Variants in STRIP2 observed in about 807,000 individuals in gnomAD.
The protein encoded by STRIP2 is striatin-interacting protein 2.
A neutral mutation model predicts 107.1 loss-of-function variants in STRIP2; 84 were observed. That is an observed-to-expected ratio of 0.78 (90% CI 0.66 to 0.94). STRIP2 has a LOEUF of 0.94. Among genes scored for constraint, STRIP2 ranks in the 40% least tolerant of loss-of-function variants. The pLI is 0.00. For synonymous variants in STRIP2, 394 were observed against 400.4 expected (o/e 0.98, Z 0.19); for missense variants, 888 against 1,034.2 (o/e 0.86, Z 1.94).
intron 8 of STRIP2, among the ~76,000 whole-genome samples, chr7:129,455,942 C>G (rs956745268): frequency 2.6e-5 from 4 of 152,148 alleles, no homozygotes; most frequent in African/African-American, 9.6e-5. Flanking sequence ...CCAGGATTTG[C>G]TTTTTAAAAA....
In STRIP2 at chr7:129,454,347, G is replaced by C; in HGVS notation, c.600-74G>C. The C allele has an allele frequency of 2.0e-6, 3 of 1,466,602 alleles. No individual in the cohort carries two copies. In the Admixed American group the frequency reaches 5.1e-5, roughly 25 times the overall value. 90.8% of individuals were successfully genotyped at this position (1,466,602 alleles called of 1,614,324 possible). A position where few individuals can be genotyped will look rare whatever the true frequency, so the allele number is the denominator to read the frequency against. ...CTCACTGGGTTGGGCTTCCCACAGA[G>C]ACCATCTCTGAGGTCTGTGACTATG... On this transcript the variant is annotated intron_variant, in intron 6 of 20. Transcript: ENST00000249344.
intron 16 of STRIP2, among the ~76,000 whole-genome samples, chr7:129,465,200 A>G (rs941633239): frequency 1.3e-5 from 2 of 152,174 alleles, no homozygotes; most frequent in African/African-American, 4.8e-5. Context: ...TAAGTAGCCA[A>G]TTATAGAGAG....
In STRIP2 at chr7:129,482,949, C is replaced by A. The variant is rs1372125541; in HGVS notation, c.2157C>A (p.Tyr719Ter). 1.9e-6 allele frequency: 3 copies of A among 1,614,048 alleles called. No individual in the cohort carries two copies. The highest frequency in any genetic ancestry group is 2.5e-6 in the Non-Finnish European group (3 of 1,180,014). The change falls in exon 20 of 21, where the codon TAC becomes TAA. Residue 719 changes from tyrosine to a stop codon, truncating the protein, a stop_gained. Transcript: ENST00000249344. LOFTEE classifies it high-confidence loss of function. ...AGCTACTAAAGTTACAGACCAAGTA[C>A]CTGGGGCGCCAATGGAGGAAAAGCA... ...VLKLLKLQTK[Y>*]LGRQWRKSNM... is the part of the protein sequence containing the mutation.
At chr7:129,453,423 C>G in intron 5 of STRIP2, 76 bp downstream of exon 5, 1 of 1,577,562 alleles carries the variant, frequency 6.3e-7, no homozygotes, top group Non-Finnish European at 8.6e-7. Context: ...ATGCTGCTTC[C>G]CTCACTATAG....
rs916351468 is a variant in STRIP2 at position 129,485,963 on chromosome 7, G to T, written c.*134G>T. On this transcript the variant is annotated 3_prime_UTR_variant, in exon 21 of 21. Transcript: ENST00000249344. ...GCTCTTGGGCCTAAAGATGGTGCAA[G>T]GGTGGGATCCTGAATCACAATAAAA... The T allele has an allele frequency of 7.0e-6, 7 of 1,003,208 alleles. No individual in the cohort carries two copies. In the African/African-American group the frequency reaches 9.6e-5, roughly 14 times the overall value. The allele number at this position is 1,003,208 out of a possible 1,614,324, so 62.1% of individuals were successfully genotyped here.
At position 129,460,382 on chromosome 7, in the gene STRIP2, G is replaced by A. The variant is rs1279441056; in HGVS notation, c.1476+10G>A. On this transcript the variant is annotated intron_variant, in intron 13 of 20. Transcript: ENST00000249344. ...GTGCCCTATGTCTTTGGTGAGCCAA[G>A]GAAGCCCTACACAGGAGGAGAGTAG... 4 of 1,612,486 alleles carry A rather than the reference G, an allele frequency of 2.5e-6. No individual in the cohort carries two copies. The highest frequency in any genetic ancestry group is 1.1e-5 in the South Asian group (1 of 90,776).
Position 129,458,700 on chromosome 7 carries a change from C to T in STRIP2, c.1275-12C>T, listed in dbSNP as rs762688761. The stretch of plus-strand genomic sequence containing the variant: ...CCCTTCTCTGGGATTGGTCTTTCCA[C>T]CATCCTCTCAGACAGAAGGACATTG... On this transcript the variant is annotated splice_polypyrimidine_tract_variant and intron_variant, in intron 10 of 20. Transcript: ENST00000249344. This position sits in a 1 kb window ranked among gnomAD's most constrained non-coding sequence, Gnocchi z 4.6. 1 of 1,614,072 alleles carries T rather than the reference C, an allele frequency of 6.2e-7. No homozygotes were observed. The highest frequency in any genetic ancestry group is 1.1e-5 in the South Asian group (1 of 91,074).
Position 129,482,929 on chromosome 7 carries a change from C to G in STRIP2, c.2137C>G (p.Leu713Val). ...GCTGCAACTTTATGTCCTAAAGCTA[C>G]TAAAGTTACAGACCAAGTACCTGGG... ...AMLQLYVLKL[L>V]KLQTKYLGRQ... Residue 713 changes from leucine to valine, a missense_variant, in exon 20 of 21, where the codon CTA (leucine) becomes GTA (valine). Leu to Val is a conservative substitution (Grantham distance 32). Transcript: ENST00000249344. 1 of 1,614,112 alleles carries G rather than the reference C, an allele frequency of 6.2e-7. No homozygotes were observed. The highest frequency in any genetic ancestry group is 8.5e-7 in the Non-Finnish European group (1 of 1,180,028).
intron 16 of STRIP2, 136 bp downstream of exon 16, chr7:129,464,874 G>A (rs1798633604): frequency 1.8e-6 from 2 of 1,142,284 alleles, no homozygotes; most frequent in Non-Finnish European, 2.5e-6. Flanking sequence ...AGGGAATCCA[G>A]CCACCCATTG....
In STRIP2 at chr7:129,483,280, G is replaced by C; in HGVS notation, c.2254+234G>C. ...CCGTTTTATAAAACAAGTAAATTGA[G>C]AGATAATTAATTGCCTTTCCAAAAC... is the stretch of plus-strand genomic sequence containing the variant. On this transcript the variant is annotated intron_variant, in intron 20 of 20. Transcript: ENST00000249344. The surrounding 1 kb of genome is among the most constrained non-coding windows in gnomAD (Gnocchi z 5.1). 1 of 1,239,450 alleles carries C rather than the reference G, an allele frequency of 8.1e-7. No homozygotes were observed. The highest frequency in any genetic ancestry group is 1.0e-6 in the Non-Finnish European group (1 of 989,596). 76.8% of individuals were successfully genotyped at this position (1,239,450 alleles called of 1,614,324 possible). A position where few individuals can be genotyped will look rare whatever the true frequency, so the allele number is the denominator to read the frequency against.
At position 129,458,012 on chromosome 7, in the gene STRIP2, C is replaced by T; in HGVS notation, c.1039-203C>T. The T allele has an allele frequency of 1.6e-6, 1 of 615,310 alleles. No individual in the cohort carries two copies. Among genetic ancestry groups the T allele is most frequent in the Non-Finnish European group, 3.0e-6 (1 of 337,926 alleles). The allele number at this position is 615,310 out of a possible 1,614,324, so 38.1% of individuals were successfully genotyped here. A position where few individuals can be genotyped will look rare whatever the true frequency, so the allele number is the denominator to read the frequency against. On this transcript the variant is annotated intron_variant, in intron 9 of 20. Coordinates refer to ENST00000249344, the MANE Select transcript of STRIP2 (RefSeq NM_020704.3). The surrounding 1 kb of genome is among the most constrained non-coding windows in gnomAD (Gnocchi z 4.6). ...CTATGCTATGTTCCCTGGCTAATGG[C>T]AGGGTTACCTGAGAACTTCTTGTCC...
At chr7:129,480,671 G>A in intron 18 of STRIP2, 114 bp from the exon 19 acceptor site, 1 of 765,482 alleles carries the variant, frequency 1.3e-6, no homozygotes, top group South Asian at 1.8e-5. Flanking sequence ...AGGTGAGGAG[G>A]TATTATTTCA....
chr7:129,458,552 G>C lies in STRIP2; in HGVS notation c.1274+102G>C. On this transcript the variant is annotated intron_variant, in intron 10 of 20. Coordinates refer to ENST00000249344, the MANE Select transcript of STRIP2 (RefSeq NM_020704.3). This position sits in a 1 kb window ranked among gnomAD's most constrained non-coding sequence, Gnocchi z 4.6. ...ATTCAAGGCTCGTTAAGTTGGTCTG[G>C]CAGTCAGAACTCCTGGGTTTGAAAT... is the stretch of plus-strand genomic sequence containing the variant. 7.9e-7 allele frequency: 1 copy of C among 1,260,102 alleles called. No individual in the cohort carries two copies. Among genetic ancestry groups the C allele is most frequent in the Non-Finnish European group, 1.1e-6 (1 of 907,982 alleles). The allele number at this position is 1,260,102 out of a possible 1,614,324, so 78.1% of individuals were successfully genotyped here.
chr7:129,474,054 C>T (rs1443975296), intron 18 of STRIP2, among the ~76,000 whole-genome samples: 1 of 152,166 alleles, frequency 6.6e-6, no homozygotes, highest in African/African-American at 2.4e-5. Context: ...TAATATTCCA[C>T]TATTTAGTTT....
At chr7:129,470,774 G>A in intron 18 of STRIP2, 59 bp downstream of exon 18, 1 of 1,445,884 alleles carries the variant, frequency 6.9e-7, no homozygotes, top group Middle Eastern at 1.7e-4. Context: ...GTTGGCATTT[G>A]CTCTTTCATT....
In STRIP2 at chr7:129,453,213, G is replaced by A. The variant is rs1424804974; in HGVS notation, c.410-14G>A. Reference sequence around the variant, plus strand: ...CCACCCCTCAACCCCTGTAACAACTGTCTGGTCCTTTAGGTACTTTTGGGG... The same window carrying A: ...CCACCCCTCAACCCCTGTAACAACTATCTGGTCCTTTAGGTACTTTTGGGG... On this transcript the variant is annotated splice_polypyrimidine_tract_variant and intron_variant, in intron 4 of 20. Transcript: ENST00000249344. The A allele has an allele frequency of 3.1e-6, 5 of 1,613,922 alleles. No individual in the cohort carries two copies. The South Asian group carries it at 4.4e-5, about 14-fold the overall frequency.
In STRIP2 at chr7:129,485,180, G is replaced by A. The variant is rs113087203; in HGVS notation, c.2255-399G>A. 6.7e-3 allele frequency among the ~76,000 whole-genome samples: 1,018 copies of A among 152,134 alleles called. 12 individuals are homozygous for A. Among genetic ancestry groups the A allele is most frequent in the African/African-American group, 0.024 (984 of 41,502 alleles). On this transcript the variant is annotated intron_variant, in intron 20 of 20. Transcript: ENST00000249344. ...ATCCCCTAAGGAAAGCTGCATAAAA[G>A]GAATTTAATTACCCTTTTGGGAAAC...
At chr7:129,478,720 T>C (rs1799037391) in intron 18 of STRIP2, among the ~76,000 whole-genome samples, 1 of 152,176 alleles carries the variant, frequency 6.6e-6, no homozygotes, top group Admixed American at 6.5e-5. Flanking sequence ...GATTAGCTAG[T>C]TCAACCTTCT....
In STRIP2 at chr7:129,454,503, C is replaced by T. The variant is rs569854698; in HGVS notation, c.682C>T (p.Arg228Trp). The T allele has an allele frequency of 1.1e-5, 17 of 1,613,626 alleles. No homozygotes were observed. The highest frequency in any genetic ancestry group is 1.7e-4 in the Middle Eastern group (1 of 6,060). Reference protein sequence around the residue: ...ETDPCGWRTARETFRTELSFS... With the variant: ...ETDPCGWRTAWETFRTELSFS... Reference sequence around the variant, plus strand: ...AGACCCCTGTGGGTGGAGAACAGCCCGGGAGACCTTCCGCACTGAATTAAG... The same window carrying T: ...AGACCCCTGTGGGTGGAGAACAGCCTGGGAGACCTTCCGCACTGAATTAAG... The change falls in exon 7 of 21, where the codon CGG becomes TGG. Residue 228 changes from arginine to tryptophan, a missense_variant. Physicochemically the swap from Arg to Trp is moderately radical, Grantham distance 101. Coordinates refer to ENST00000249344, the MANE Select transcript of STRIP2 (RefSeq NM_020704.3).
Sources: allele counts gnomAD v4.1 joint callset (sites outside exome capture counted in the v4.1 genomes callset), GRCh38; gene constraint gnomAD v4.1.1; non-coding constraint Gnocchi (gnomAD v3.1); transcripts MANE v1.5; gene names NCBI Gene and HGNC (gene_info 2026-07-23, HGNC 2026-07-21).